ZCWPW2: variants seen among roughly 807,000 people sequenced by gnomAD.
The protein encoded by ZCWPW2 is zinc finger CW-type and PWWP domain containing 2, also known as zinc finger CW-type PWWP domain protein 2.
A neutral mutation model predicts 46.6 loss-of-function variants in ZCWPW2; 45 were observed. That is an observed-to-expected ratio of 0.96 (90% CI 0.76 to 1.24). The LOEUF is 1.24. Among genes scored for constraint, ZCWPW2 ranks in the 50% most tolerant of loss-of-function variants. ZCWPW2 has a pLI of 0.00. For missense variants in ZCWPW2, 429 were observed against 403.9 expected (o/e 1.06, Z -0.53); for synonymous variants, 152 against 137.1 (o/e 1.11, Z -0.76).
intron 3 of ZCWPW2, among the ~76,000 whole-genome samples, chr3:28,434,202 T>C (rs1697390301): frequency 6.6e-6 from 1 of 152,176 alleles, no homozygotes; most frequent in Non-Finnish European, 1.5e-5. Flanking sequence ...AATGAATAAC[T>C]TCTTAGGTGT....
At chr3:28,513,756 T>C (rs1009350076) in intron 6 of ZCWPW2, among the ~76,000 whole-genome samples, 4 of 152,152 alleles carry the variant, frequency 2.6e-5, no homozygotes, top group African/African-American at 9.7e-5. Context: ...CTAAAGGTTA[T>C]ATATGTGTGT....
At chr3:28,391,332 T>G (rs977463567) in intron 2 of ZCWPW2, among the ~76,000 whole-genome samples, 1 of 145,970 alleles carries the variant, frequency 6.9e-6, no homozygotes, top group African/African-American at 2.5e-5. Flanking sequence ...AGCCTTCAGT[T>G]CCATCAGTCC....
In ZCWPW2 at chr3:28,398,977, C is replaced by G. The variant is rs183847538; in HGVS notation, c.-14+8360C>G. 1.2e-3 allele frequency among the ~76,000 whole-genome samples: 177 copies of G among 152,286 alleles called. 1 individual carries two copies. The highest frequency in any genetic ancestry group is 3.9e-3 in the African/African-American group (164 of 41,566). On this transcript the variant is annotated intron_variant, in intron 2 of 9. Transcript: ENST00000383768. ...AGGGCATGAATCCAGTGTGCAGACT[C>G]TACAGGCGGGGAACAAGGAAAGCCA...
intron 2 of ZCWPW2, among the ~76,000 whole-genome samples, chr3:28,397,228 A>C (rs947821390): frequency 2.0e-5 from 3 of 152,218 alleles, no homozygotes; most frequent in Non-Finnish European, 4.4e-5. Flanking sequence ...CATTGTAATA[A>C]AAATGGATGC....
chr3:28,447,406 T>A (rs1172382617), intron 4 of ZCWPW2, among the ~76,000 whole-genome samples: 1 of 151,388 alleles, frequency 6.6e-6, no homozygotes, highest in African/African-American at 2.4e-5. Flanking sequence ...AAAAAAATGA[T>A]CAGCTTAATT....
At chr3:28,380,945 T>C (rs1333703961) in intron 1 of ZCWPW2, among the ~76,000 whole-genome samples, 1 of 33,382 alleles carries the variant, frequency 3.0e-5, no homozygotes, top group Non-Finnish European at 5.2e-5. Flanking sequence ...TATATATATA[T>C]ATATATATAT....
In ZCWPW2 at chr3:28,525,770, G is replaced by A. The variant is rs1424041370; in HGVS notation, c.*1082G>A. 6.6e-6 allele frequency among the ~76,000 whole-genome samples: 1 copy of A among 152,194 alleles called. No homozygotes were observed. Among genetic ancestry groups the A allele is most frequent in the Non-Finnish European group, 1.5e-5 (1 of 68,018 alleles). ...ATAATTACGTAGAGTGGAGAGTGGAGATAGACTCACAACGGTGAAATATCT... is the reference window on the plus strand; with the variant it reads ...ATAATTACGTAGAGTGGAGAGTGGAAATAGACTCACAACGGTGAAATATCT... On this transcript the variant is annotated 3_prime_UTR_variant, in exon 10 of 10. Transcript: ENST00000383768.
At position 28,495,247 on chromosome 3, in the gene ZCWPW2, C is replaced by G. The variant is rs543519984; in HGVS notation, c.657+3074C>G. 2.6e-5 allele frequency among the ~76,000 whole-genome samples: 4 copies of G among 152,068 alleles called. No individual in the cohort carries two copies. In the East Asian group the frequency reaches 7.7e-4, roughly 29 times the overall value. ...TTCACTGGCTGAATAATGTTCAGCT[C>G]CTTTGCAGAGAGGAATTCAATATCA... On this transcript the variant is annotated intron_variant, in intron 6 of 9. Transcript: ENST00000383768.
chr3:28,487,181 G>T (rs1167392949), intron 5 of ZCWPW2, among the ~76,000 whole-genome samples: 1 of 151,906 alleles, frequency 6.6e-6, no homozygotes, highest in Non-Finnish European at 1.5e-5. Context: ...AGTTATTATT[G>T]TGTCAAATTT....
chr3:28,490,367 C>T (rs757769546), intron 5 of ZCWPW2, among the ~76,000 whole-genome samples: 5 of 152,090 alleles, frequency 3.3e-5, no homozygotes, highest in Admixed American at 6.6e-5. Context: ...GATACATGCA[C>T]ACATATGTTC....
chr3:28,427,731 GTTATACA>G (rs1305410745), intron 3 of ZCWPW2, among the ~76,000 whole-genome samples: 1 of 152,152 alleles, frequency 6.6e-6, no homozygotes, highest in Non-Finnish European at 1.5e-5. Context: ...AGCCATTCAT[GTTATACA>G]TAATAACTGC....
chr3:28,404,835 G>A (rs968925856), intron 2 of ZCWPW2, among the ~76,000 whole-genome samples: 34 of 152,162 alleles, frequency 2.2e-4, no homozygotes, highest in Non-Finnish European at 3.7e-4. Flanking sequence ...CTATGAGGAT[G>A]CAAAGGGATA....
Position 28,413,281 on chromosome 3 carries a change from CTCAATTTCTGAAGAAGACT to C in ZCWPW2, c.216_234del (p.Ile73LeufsTer26), listed in dbSNP as rs772775161. 9.9e-6 allele frequency: 16 copies of C among 1,613,250 alleles called. No individual in the cohort carries two copies. The Admixed American group carries it at 2.5e-4, about 25-fold the overall frequency. ...ACACTGATTCAAGATATAATAACTGCTCAATTTCTGAAGAAGACTTCCCTGAAGAGTCTCAGCTTCATCA... is the reference window on the plus strand; with the variant it reads ...ACACTGATTCAAGATATAATAACTGCTCCCTGAAGAGTCTCAGCTTCATCA... On this transcript the variant is annotated frameshift_variant, in exon 3 of 10. Transcript: ENST00000383768. LOFTEE classifies it high-confidence loss of function.
intron 1 of ZCWPW2, among the ~76,000 whole-genome samples, chr3:28,380,934 GTATATATATATATATATATA>G (rs578178124): frequency 0.02 from 265 of 13,432 alleles, 45 homozygotes; most frequent in African/African-American, 0.077. Flanking sequence ...TATATATTTG[GTATATATATATATATATATA>G]TATATATATA....
intron 4 of ZCWPW2, among the ~76,000 whole-genome samples, chr3:28,474,643 G>A (rs1699168164): frequency 6.6e-6 from 1 of 151,220 alleles, no homozygotes; most frequent in South Asian, 2.1e-4. Flanking sequence ...GCGCGCACAT[G>A]CGCATTTGTG....
intron 1 of ZCWPW2, among the ~76,000 whole-genome samples, chr3:28,385,504 A>T (rs1195607468): frequency 2.6e-5 from 4 of 152,202 alleles, no homozygotes; most frequent in Non-Finnish European, 5.9e-5. Flanking sequence ...TCCCAGCCCA[A>T]CTGCATCCAG....
At chr3:28,516,064 A>C (rs1700558727) in intron 8 of ZCWPW2, among the ~76,000 whole-genome samples, 1 of 151,834 alleles carries the variant, frequency 6.6e-6, no homozygotes, top group Admixed American at 6.6e-5. Flanking sequence ...AACACAGTGA[A>C]ACCGGTCTCA....
intron 1 of ZCWPW2, among the ~76,000 whole-genome samples, chr3:28,367,629 G>C (rs973811667): frequency 3.9e-5 from 6 of 152,196 alleles, no homozygotes; most frequent in Non-Finnish European, 8.8e-5. Context: ...CTGTTGATTT[G>C]GGGTGGAGAG....
In ZCWPW2 at chr3:28,523,954, G is replaced by T. The variant is rs898764901; in HGVS notation, c.910-573G>T. ...TTACTGAAAAATTATTTCTATAAAA[G>T]GGTACATTTTTGTTATGTGAAAATA... On this transcript the variant is annotated intron_variant, in intron 9 of 9. Transcript: ENST00000383768. Among the ~76,000 whole-genome samples, 3 of 151,922 alleles carry T rather than the reference G, an allele frequency of 2.0e-5. No individual in the cohort carries two copies. The South Asian group carries it at 6.2e-4, about 32-fold the overall frequency.
Sources: gnomAD v4.1 joint callset for allele counts (sites outside exome capture counted in the v4.1 genomes callset) on GRCh38, gnomAD v4.1.1 for gene constraint, MANE v1.5 for transcripts, NCBI Gene and HGNC (gene_info 2026-07-23, HGNC 2026-07-21) for gene names.